Variants in PHF14 observed in about 807,000 individuals in gnomAD.
PHF14 encodes PHD finger protein 14.
In PHF14, 55 loss-of-function variants were observed where a neutral mutation model predicts 117.9. That is an observed-to-expected ratio of 0.47 (90% CI 0.38 to 0.58). The LOEUF is 0.58. PHF14 is among the 20% of genes least tolerant of loss of function. PHF14 has a pLI of 0.00. For missense variants in PHF14, 978 were observed against 1,122.2 expected (o/e 0.87, Z 1.84); for synonymous variants, 409 against 368.6 (o/e 1.11, Z -1.26).
At chr7:11,131,727 G>A (rs58710725) in intron 17 of PHF14, among the ~76,000 whole-genome samples, 3,359 of 151,750 alleles carry the variant, frequency 0.022, 117 homozygotes, top group African/African-American at 0.077. Context: ...CTACTATGTT[G>A]TCTTCTGGGA....
At chr7:11,157,920 T>G (rs1196364323) in intron 17 of PHF14, among the ~76,000 whole-genome samples, 5 of 152,166 alleles carry the variant, frequency 3.3e-5, no homozygotes, top group African/African-American at 1.2e-4. Context: ...CTAAATCATC[T>G]AACAAAAATT....
At chr7:11,116,834 A>G (rs962338274) in intron 17 of PHF14, among the ~76,000 whole-genome samples, 5 of 151,968 alleles carry the variant, frequency 3.3e-5, no homozygotes, top group African/African-American at 1.2e-4. Flanking sequence ...CTAAAAATTA[A>G]CTTTTTGGAA....
At chr7:11,125,407 C>A (rs552046889) in intron 17 of PHF14, among the ~76,000 whole-genome samples, 2 of 152,186 alleles carry the variant, frequency 1.3e-5, no homozygotes, top group African/African-American at 4.8e-5. Flanking sequence ...TATCAGCATT[C>A]TTTTGCAGTA....
chr7:11,043,280 T>G (rs1032039693), intron 13 of PHF14, among the ~76,000 whole-genome samples: 2 of 150,908 alleles, frequency 1.3e-5, no homozygotes, highest in African/African-American at 5.0e-5. Context: ...TGATAAACAT[T>G]TCTGATTTTT....
intron 4 of PHF14, among the ~76,000 whole-genome samples, chr7:10,996,820 C>A (rs1371206950): frequency 6.6e-6 from 1 of 152,052 alleles, no homozygotes; most frequent in East Asian, 1.9e-4. Context: ...GAACCAGAGC[C>A]CACAAGATAG....
intron 17 of PHF14, among the ~76,000 whole-genome samples, chr7:11,167,524 A>G (rs1048768575): frequency 6.6e-6 from 1 of 152,180 alleles, no homozygotes; most frequent in Non-Finnish European, 1.5e-5. Flanking sequence ...CTACAACTAT[A>G]TACTAAGTAT....
intron 17 of PHF14, among the ~76,000 whole-genome samples, chr7:11,112,222 A>G (rs1042326535): frequency 6.6e-6 from 1 of 152,190 alleles, no homozygotes; most frequent in Admixed American, 6.6e-5. Flanking sequence ...TTCTCAAAAA[A>G]GATGACGAAA....
intron 3 of PHF14, among the ~76,000 whole-genome samples, chr7:10,987,876 C>T (rs1017387595): frequency 5.9e-5 from 9 of 151,538 alleles, no homozygotes; most frequent in South Asian, 2.1e-4. Context: ...TCTAGCTGGG[C>T]GTGGTGGTAC....
At position 10,982,707 on chromosome 7, in the gene PHF14, G is replaced by T; in HGVS notation, c.448G>T (p.Ala150Ser). Residue 150 changes from alanine to serine, a missense_variant, in exon 3 of 18, where the codon GCC becomes TCC. By Grantham distance (99) the Ala-to-Ser change is moderately conservative. Transcript: ENST00000634607. ...VSENVAASAA[A>S]TTPATSPPAV... ...TGAGAATGTGGCTGCTTCTGCTGCT[G>T]CCACCACACCAGCCACAAGTCCTCC... 2.5e-6 allele frequency: 4 copies of T among 1,610,748 alleles called. No homozygotes were observed. Among genetic ancestry groups the T allele is most frequent in the Non-Finnish European group, 3.4e-6 (4 of 1,178,348 alleles).
At chr7:11,002,733 C>T (rs559499534) in intron 4 of PHF14, among the ~76,000 whole-genome samples, 5 of 151,860 alleles carry the variant, frequency 3.3e-5, no homozygotes, top group Non-Finnish European at 5.9e-5. Context: ...CGTGAGCCAC[C>T]GCGCCCGGCC....
chr7:11,164,873 C>T (rs1169346487), intron 17 of PHF14, among the ~76,000 whole-genome samples: 2 of 152,144 alleles, frequency 1.3e-5, no homozygotes, highest in South Asian at 4.1e-4. Context: ...TCATCATGTC[C>T]CCATAGTCTC....
At position 11,130,926 on chromosome 7, in the gene PHF14, C is replaced by G. The variant is rs561903019; in HGVS notation, c.2772+19459C>G. Among the ~76,000 whole-genome samples the G allele has an allele frequency of 3.3e-5, 5 of 151,906 alleles. No homozygotes were observed. The highest frequency in any genetic ancestry group is 1.2e-4 in the African/African-American group (5 of 41,476). On this transcript the variant is annotated intron_variant, in intron 17 of 17. Coordinates refer to ENST00000634607, the MANE Select transcript of PHF14 (RefSeq NM_001007157.2). This position sits in a 1 kb window ranked among gnomAD's most constrained non-coding sequence, Gnocchi z 4.2. ...AATGTCATATAGTATGTAGCCTGTT[C>G]AATTTGGCTTCTTTCCGTAAGCAAT... is the stretch of plus-strand genomic sequence containing the variant.
At chr7:11,078,820 G>A (rs2128335662) in intron 16 of PHF14, among the ~76,000 whole-genome samples, 1 of 152,090 alleles carries the variant, frequency 6.6e-6, no homozygotes, top group Non-Finnish European at 1.5e-5. Flanking sequence ...GAAACATTTT[G>A]TAGTAGAAAA....
chr7:11,056,387 CATTAG>C (rs1785020407), intron 14 of PHF14, among the ~76,000 whole-genome samples: 1 of 132,586 alleles, frequency 7.5e-6, no homozygotes, highest in Non-Finnish European at 1.6e-5. Flanking sequence ...TATTATATAT[CATTAG>C]ACCCATAGTT....
At chr7:11,145,736 A>G (rs1362709538) in intron 17 of PHF14, among the ~76,000 whole-genome samples, 1 of 152,144 alleles carries the variant, frequency 6.6e-6, no homozygotes, top group Non-Finnish European at 1.5e-5. Flanking sequence ...CATAAAAAGT[A>G]ACATGCATTA....
At chr7:11,149,024 T>C (rs1788633416) in intron 17 of PHF14, among the ~76,000 whole-genome samples, 1 of 152,126 alleles carries the variant, frequency 6.6e-6, no homozygotes, top group South Asian at 2.1e-4. Context: ...TTTTTTGTTT[T>C]GTTTTGTTTT....
intron 16 of PHF14, among the ~76,000 whole-genome samples, chr7:11,067,162 T>C (rs1475424318): frequency 6.6e-6 from 1 of 152,128 alleles, no homozygotes; most frequent in Non-Finnish European, 1.5e-5. Context: ...CTTGAAAATA[T>C]TTCTCCAAAG....
chr7:10,981,964 A>T (rs1018622458), intron 2 of PHF14, among the ~76,000 whole-genome samples: 3 of 152,196 alleles, frequency 2.0e-5, no homozygotes, highest in Non-Finnish European at 4.4e-5. Flanking sequence ...CATATAGTTT[A>T]TAAAAGATGT....
chr7:11,006,767 TG>T, intron 4 of PHF14: 1 of 761,602 alleles, frequency 1.3e-6, no homozygotes, highest in Non-Finnish European at 2.3e-6. Context: ...TCTTTTTTGG[TG>T]GCTGTGGACA....
Sources: allele counts gnomAD v4.1 joint callset (sites outside exome capture counted in the v4.1 genomes callset), GRCh38; gene constraint gnomAD v4.1.1; non-coding constraint Gnocchi (gnomAD v3.1); transcripts MANE v1.5; gene names NCBI Gene and HGNC (gene_info 2026-07-23, HGNC 2026-07-21).